The following ATF7 variants were observed in gnomAD, a reference collection of about 807,000 sequenced individuals.
ATF7 encodes activating transcription factor 7.
In ATF7, 10 loss-of-function variants were observed where a neutral mutation model predicts 50.4. That is an observed-to-expected ratio of 0.20 (90% confidence interval 0.12 to 0.34). The LOEUF (loss-of-function observed/expected upper bound fraction) is 0.34. Among genes scored for constraint, ATF7 ranks in the 10% least tolerant of loss-of-function variants. ATF7 has a pLI of 1.00. For missense variants in ATF7, 465 were observed against 613.9 expected (o/e 0.76, Z 2.56); for synonymous variants, 201 against 226.4 (o/e 0.89, Z 1.01).
At chr12:53,560,712 G>C (rs2137558289) in intron 2 of ATF7, among the ~76,000 whole-genome samples, 2 of 152,248 alleles carry the variant, frequency 1.3e-5, no homozygotes, top group African/African-American at 2.4e-5. Context: ...AGAGTAGACT[G>C]GGGTAAGAAG....
chr12:53,584,948 T>C (rs1942605002), intron 2 of ATF7, among the ~76,000 whole-genome samples: 1 of 152,108 alleles, frequency 6.6e-6, no homozygotes, highest in Admixed American at 6.5e-5. Context: ...AACTATTCTG[T>C]ATGATACTAC....
chr12:53,598,890 A>C (rs1476588410), intron 2 of ATF7, among the ~76,000 whole-genome samples: 8 of 152,240 alleles, frequency 5.3e-5, no homozygotes, highest in African/African-American at 1.9e-4. Context: ...AATAATGGTA[A>C]GTATTAGAAA....
In ATF7 at chr12:53,612,164, C is replaced by T. The variant is rs1040505760; in HGVS notation, c.-21-11143G>A. Among the ~76,000 whole-genome samples, 7 of 151,904 alleles carry T rather than the reference C, an allele frequency of 4.6e-5. No homozygotes were observed. The South Asian group carries it at 1.0e-3, about 23-fold the overall frequency. On this transcript the variant is annotated intron_variant, in intron 1 of 11. Transcript: ENST00000420353. ...CTAATTTTTGTATTTTTAGTAGAGA[C>T]GGGGTTTCACCATAGTGGCTAGGCT...
At chr12:53,529,834 A>C in intron 9 of ATF7, among the ~76,000 whole-genome samples, 1 of 146,990 alleles carries the variant, frequency 6.8e-6, no homozygotes, top group African/African-American at 2.5e-5. Context: ...TCCACCTCCC[A>C]GGCTCAAGCA....
chr12:53,573,457 A>T (rs1190800640), intron 2 of ATF7, among the ~76,000 whole-genome samples: 5 of 152,166 alleles, frequency 3.3e-5, no homozygotes, highest in African/African-American at 4.8e-5. Flanking sequence ...ATATCACTTC[A>T]TTCGTGTGGA....
intron 2 of ATF7, among the ~76,000 whole-genome samples, chr12:53,581,268 C>G (rs1390451674): frequency 2.6e-5 from 4 of 152,134 alleles, no homozygotes; most frequent in African/African-American, 7.2e-5. Flanking sequence ...TTTAACACCC[C>G]TCTATCAGAA....
intron 2 of ATF7, among the ~76,000 whole-genome samples, chr12:53,562,773 C>T (rs1180072744): frequency 6.6e-6 from 1 of 152,024 alleles, no homozygotes. Flanking sequence ...CAGTCAGGAC[C>T]AAGAATACCC....
chr12:53,575,289 C>T (rs1941999523), intron 2 of ATF7, among the ~76,000 whole-genome samples: 1 of 152,132 alleles, frequency 6.6e-6, no homozygotes, highest in South Asian at 2.1e-4. Context: ...CGCCTGTAAT[C>T]CCAGCTGCTG....
intron 11 of ATF7, among the ~76,000 whole-genome samples, chr12:53,518,610 A>G (rs942341313): frequency 2.6e-5 from 4 of 152,258 alleles, no homozygotes; most frequent in Non-Finnish European, 5.9e-5. Context: ...GGTATGAGTC[A>G]TCACACTCAG....
chr12:53,612,651 G>T (rs921993101), intron 1 of ATF7, among the ~76,000 whole-genome samples: 10 of 152,114 alleles, frequency 6.6e-5, no homozygotes, highest in Non-Finnish European at 7.4e-5. Flanking sequence ...CTTTCAGGGG[G>T]TTCATGAAGG....
chr12:53,574,683 G>C (rs750067043), intron 2 of ATF7: 6 of 162,188 alleles, frequency 3.7e-5, no homozygotes, highest in Admixed American at 1.3e-4. Context: ...TCAAGAGACA[G>C]AAAAAAGCAC....
Position 53,514,196 on chromosome 12 carries a change from C to T in ATF7, c.*2941G>A, listed in dbSNP as rs1487984692. The T allele has an allele frequency of 6.6e-6, 1 of 152,182 alleles. No individual in the cohort carries two copies. Among genetic ancestry groups the T allele is most frequent in the Non-Finnish European group, 1.5e-5 (1 of 68,052 alleles). 9.4% of individuals were successfully genotyped at this position (152,182 alleles called of 1,614,324 possible). The stretch of plus-strand genomic sequence containing the variant: ...ACCAGAAGACCTGGTTCTGTCCCCT[C>T]CCTCTGTGGCCTTGGGTACGTGGCA... On this transcript the variant is annotated 3_prime_UTR_variant, in exon 12 of 12. Coordinates refer to ENST00000420353, the MANE Select transcript of ATF7 (RefSeq NM_006856.3).
At chr12:53,525,370 C>G (rs1434493907) in intron 9 of ATF7, among the ~76,000 whole-genome samples, 4 of 151,988 alleles carry the variant, frequency 2.6e-5, no homozygotes, top group African/African-American at 9.7e-5. Flanking sequence ...CAAAACAAAA[C>G]AAAAAGGGAA....
chr12:53,572,214 T>C (rs933316752), intron 2 of ATF7, among the ~76,000 whole-genome samples: 1 of 152,154 alleles, frequency 6.6e-6, no homozygotes, highest in East Asian at 1.9e-4. Context: ...TAACAACAAA[T>C]AAAAAGCTGA....
intron 3 of ATF7, among the ~76,000 whole-genome samples, chr12:53,548,432 A>G (rs1196991316): frequency 6.6e-6 from 1 of 152,070 alleles, no homozygotes; most frequent in Non-Finnish European, 1.5e-5. Context: ...CTTGGGTTCA[A>G]GTGATTCTCC....
At chr12:53,611,105 A>C (rs542346340) in intron 1 of ATF7, among the ~76,000 whole-genome samples, 1 of 152,196 alleles carries the variant, frequency 6.6e-6, no homozygotes, top group Admixed American at 6.5e-5. Context: ...TGGGATTACA[A>C]GGGTGAGCCA....
chr12:53,615,605 G>A (rs1370723976), intron 1 of ATF7, among the ~76,000 whole-genome samples: 1 of 152,130 alleles, frequency 6.6e-6, no homozygotes, highest in African/African-American at 2.4e-5. Context: ...TGGATGCGAT[G>A]GCTCACACCA....
intron 2 of ATF7, among the ~76,000 whole-genome samples, chr12:53,569,052 G>T (rs1941609710): frequency 6.6e-6 from 1 of 152,156 alleles, no homozygotes; most frequent in South Asian, 2.1e-4. Context: ...CAGCTACTTG[G>T]GAGGCTGAGA....
intron 2 of ATF7, among the ~76,000 whole-genome samples, chr12:53,576,833 T>A (rs940288765): frequency 6.6e-6 from 1 of 152,048 alleles, no homozygotes; most frequent in Admixed American, 6.5e-5. Flanking sequence ...GGTGGGTGAA[T>A]CACTTGAGGT....
Sources: gnomAD v4.1 joint callset for allele counts (sites outside exome capture counted in the v4.1 genomes callset) on GRCh38, gnomAD v4.1.1 for gene constraint, MANE v1.5 for transcripts, NCBI Gene and HGNC (gene_info 2026-07-23, HGNC 2026-07-21) for gene names.